RNLS: variants seen among roughly 807,000 people sequenced by gnomAD.
RNLS encodes the protein renalase.
In RNLS, 39 loss-of-function variants were observed where a neutral mutation model predicts 39.8. The ratio of observed to expected loss-of-function variants is 0.98; its 90% CI spans 0.76 to 1.28. The LOEUF is 1.28. RNLS is among the 50% of genes most tolerant of loss of function. RNLS has a pLI of 0.00. For synonymous variants in RNLS, 147 were observed against 150.7 expected, an observed-to-expected ratio of 0.98 and a Z score of 0.18; for missense variants, 410 against 413.3, an observed-to-expected ratio of 0.99 and a Z score of 0.07.
At chr10:88,372,548 A>G (rs1850650918) in intron 4 of RNLS, among the ~76,000 whole-genome samples, 1 of 152,160 alleles carries the variant, frequency 6.6e-6, no homozygotes, top group Admixed American at 6.6e-5. Flanking sequence ...AGTCGTTTCT[A>G]TAGCAACACG....
intron 6 of RNLS, among the ~76,000 whole-genome samples, chr10:88,292,761 C>T (rs1053865674): frequency 5.3e-5 from 8 of 151,968 alleles, no homozygotes; most frequent in Admixed American, 2.0e-4. Flanking sequence ...TAACAATTTT[C>T]GGCCAAGCGT....
intron 4 of RNLS, among the ~76,000 whole-genome samples, chr10:88,565,589 T>G (rs1214962353): frequency 6.6e-6 from 1 of 152,060 alleles, no homozygotes; most frequent in Middle Eastern, 3.2e-3. Flanking sequence ...CCAAAGACCC[T>G]CATCCTCAGT....
chr10:88,378,333 A>G (rs1405034935), intron 4 of RNLS, among the ~76,000 whole-genome samples: 1 of 152,218 alleles, frequency 6.6e-6, no homozygotes, highest in Non-Finnish European at 1.5e-5. Context: ...ATCTTTTGCC[A>G]TCCTGTTTCT....
chr10:88,494,038 C>G (rs1027562846), intron 4 of RNLS, among the ~76,000 whole-genome samples: 2 of 152,090 alleles, frequency 1.3e-5, no homozygotes, highest in African/African-American at 4.8e-5. Context: ...ATGATATGCA[C>G]AGTAGACACA....
chr10:88,309,359 A>C (rs145297089), intron 6 of RNLS: 12,797 of 1,223,710 alleles, frequency 0.01, 81 homozygotes, highest in Non-Finnish European at 0.012. Context: ...CTGACTTTTC[A>C]ATGCTGAAAT....
At chr10:88,296,667 A>C (rs1844119593) in intron 6 of RNLS, among the ~76,000 whole-genome samples, 1 of 152,208 alleles carries the variant, frequency 6.6e-6, no homozygotes, top group South Asian at 2.1e-4. Context: ...GTGGTTTTAA[A>C]AGTCAGCTTA....
chr10:88,356,066 A>T (rs1195995754), intron 5 of RNLS, among the ~76,000 whole-genome samples: 1 of 152,156 alleles, frequency 6.6e-6, no homozygotes, highest in African/African-American at 2.4e-5. Flanking sequence ...AGACCATTGG[A>T]AAAGAGCAGT....
rs563439647 is a variant in RNLS at position 88,411,110 on chromosome 10, C to T, written c.527-48385G>A. ...CTTTGCTATTTCTCATCTCAGCCAACGAGCTCTACAGGAGTTGGTCACTGC... is the reference window on the plus strand; with the variant it reads ...CTTTGCTATTTCTCATCTCAGCCAATGAGCTCTACAGGAGTTGGTCACTGC... On this transcript the variant is annotated intron_variant, in intron 4 of 6. Transcript: ENST00000331772. Among the ~76,000 whole-genome samples the T allele has an allele frequency of 2.3e-4, 35 of 152,230 alleles. 1 individual carries two copies. The highest frequency in any genetic ancestry group is 7.2e-4 in the Admixed American group (11 of 15,260).
intron 4 of RNLS, among the ~76,000 whole-genome samples, chr10:88,528,712 G>T (rs1847250495): frequency 6.6e-6 from 1 of 152,006 alleles, no homozygotes; most frequent in Admixed American, 6.6e-5. Flanking sequence ...AATTAGCTGG[G>T]CATGGTGGCA....
At chr10:88,214,591 ATTACC>A in the RNLS span, among the ~76,000 whole-genome samples, 1 of 151,110 alleles carries the variant, frequency 6.6e-6, no homozygotes, top group African/African-American at 2.4e-5. Flanking sequence ...ATTCATTGGT[ATTACC>A]TTGTTTTTCT....
chr10:88,448,744 C>T (rs1842191055), intron 4 of RNLS, among the ~76,000 whole-genome samples: 1 of 152,212 alleles, frequency 6.6e-6, no homozygotes, highest in Admixed American at 6.5e-5. Context: ...AGACTTGGAA[C>T]CAACCCACAT....
intron 4 of RNLS, among the ~76,000 whole-genome samples, chr10:88,465,697 CAA>C (rs1017321431): frequency 3.3e-5 from 5 of 152,042 alleles, no homozygotes; most frequent in Non-Finnish European, 7.4e-5. Context: ...GTATTGTTGA[CAA>C]AGAGCCTAAA....
the RNLS span, among the ~76,000 whole-genome samples, chr10:88,223,937 CAGAGA>C: frequency 6.6e-6 from 1 of 150,576 alleles, no homozygotes; most frequent in Admixed American, 6.6e-5. Context: ...TTTTAAATCA[CAGAGA>C]AGAAGATTCC....
chr10:88,419,386 A>T (rs1452596115), intron 4 of RNLS, among the ~76,000 whole-genome samples: 1 of 152,200 alleles, frequency 6.6e-6, no homozygotes, highest in African/African-American at 2.4e-5. Context: ...AGACTAGTCT[A>T]TCAGGGGCCA....
At chr10:88,192,391 T>C in the RNLS span, among the ~76,000 whole-genome samples, 1 of 152,218 alleles carries the variant, frequency 6.6e-6, no homozygotes, top group African/African-American at 2.4e-5. Flanking sequence ...GTAGATACAC[T>C]ACTTAAAAAA....
chr10:88,537,423 A>C (rs1377199085), intron 4 of RNLS, among the ~76,000 whole-genome samples: 1 of 152,192 alleles, frequency 6.6e-6, no homozygotes, highest in African/African-American at 2.4e-5. Flanking sequence ...CAGGAGCGCT[A>C]TTTATAATAG....
intron 4 of RNLS, among the ~76,000 whole-genome samples, chr10:88,479,342 A>G (rs886106552): frequency 6.6e-6 from 1 of 152,204 alleles, no homozygotes; most frequent in African/African-American, 2.4e-5. Flanking sequence ...AGAGTGTTGC[A>G]AATCATTTTC....
chr10:88,403,367 G>A (rs1443679848), intron 4 of RNLS, among the ~76,000 whole-genome samples: 2 of 152,158 alleles, frequency 1.3e-5, no homozygotes, highest in African/African-American at 2.4e-5. Flanking sequence ...TTGTGATGGT[G>A]TACATGGTAA....
At chr10:88,326,907 T>C (rs1391427627) in intron 5 of RNLS, among the ~76,000 whole-genome samples, 1 of 152,194 alleles carries the variant, frequency 6.6e-6, no homozygotes, top group African/African-American at 2.4e-5. Flanking sequence ...ATGTGAGACA[T>C]GGAGTCAAAG....
Sources: allele counts gnomAD v4.1 joint callset (sites outside exome capture counted in the v4.1 genomes callset), GRCh38; gene constraint gnomAD v4.1.1; transcripts MANE v1.5; gene names NCBI Gene and HGNC (gene_info 2026-07-23, HGNC 2026-07-21).